SLC9C1: variants seen among roughly 807,000 people sequenced by gnomAD.
SLC9C1 encodes the protein solute carrier family 9 member C1, also known as sodium/hydrogen exchanger 10.
Under a neutral mutation model 140.9 loss-of-function variants are expected in SLC9C1, and 97 were observed. The observed-to-expected ratio is 0.69, with a 90% CI of 0.58 to 0.82. The LOEUF (loss-of-function observed/expected upper bound fraction) is 0.82. Among genes scored for constraint, SLC9C1 ranks in the 40% least tolerant of loss-of-function variants. The pLI is 0.00. For synonymous variants in SLC9C1, 440 were observed against 442.6 expected (o/e 0.99, Z 0.07); for missense variants, 1,340 against 1,389.3 (o/e 0.96, Z 0.56).
intron 23 of SLC9C1, among the ~76,000 whole-genome samples, chr3:112,177,053 C>T (rs1244621344): frequency 7.1e-6 from 1 of 141,840 alleles, no homozygotes; most frequent in Non-Finnish European, 1.5e-5. Context: ...GTCACCCAGG[C>T]TGGAGTGCAG....
At chr3:112,198,872 G>T (rs189058441) in intron 20 of SLC9C1, among the ~76,000 whole-genome samples, 1 of 151,856 alleles carries the variant, frequency 6.6e-6, no homozygotes, top group African/African-American at 2.4e-5. Context: ...CTTACAGAAT[G>T]AATTGGGATT....
At chr3:112,191,641 T>G (rs1188410076) in intron 20 of SLC9C1, among the ~76,000 whole-genome samples, 2 of 152,138 alleles carry the variant, frequency 1.3e-5, no homozygotes, top group East Asian at 3.8e-4. Flanking sequence ...ATCAGAAATA[T>G]TGGTCTATAA....
At position 112,264,275 on chromosome 3, in the gene SLC9C1, G is replaced by T; in HGVS notation, c.947C>A (p.Ala316Glu). Residue 316 changes from alanine to glutamate, a missense_variant, in exon 9 of 29, where the codon GCA (alanine) becomes GAA (glutamate). Transcript: ENST00000305815. ...VFTFFGLLIP[A>E]HTYLYIEFVD... ...AAATTCTATATACAAATATGTATGT[G>T]CAGGAATTAGAAGTCCAAAGAAAGT... is the stretch of plus-strand genomic sequence containing the variant. 6.9e-7 allele frequency: 1 copy of T among 1,458,008 alleles called. No individual in the cohort carries two copies. The highest frequency in any genetic ancestry group is 9.1e-7 in the Non-Finnish European group (1 of 1,096,114). 90.3% of individuals were successfully genotyped at this position (1,458,008 alleles called of 1,614,324 possible).
chr3:112,274,899 A>G lies in SLC9C1; in HGVS notation c.611T>C (p.Leu204Ser), dbSNP rs1283107986. 1.8e-5 allele frequency: 28 copies of G among 1,545,470 alleles called. No individual in the cohort carries two copies. Among genetic ancestry groups the G allele is most frequent in the Non-Finnish European group, 2.3e-5 (27 of 1,155,424 alleles). ...QRLQSKRNHT[L>S]AEEIVGGICS... ...AAATTTTTTAAAAATATACTTACCT[A>G]AGGTATGGTTTCTTTTACTTTGTAG... Residue 204 changes from leucine to serine, a missense_variant and splice_region_variant, in exon 6 of 29, where the codon TTA becomes TCA. Leu to Ser is a moderately radical substitution (Grantham distance 145). Transcript: ENST00000305815.
chr3:112,255,683 A>G (rs2079584993), intron 10 of SLC9C1, among the ~76,000 whole-genome samples: 1 of 152,202 alleles, frequency 6.6e-6, no homozygotes. Context: ...GAGAAGCAAG[A>G]GCAAACCAGT....
chr3:112,194,829 C>G (rs944242564), intron 20 of SLC9C1, among the ~76,000 whole-genome samples: 5 of 151,604 alleles, frequency 3.3e-5, no homozygotes, highest in African/African-American at 1.2e-4. Flanking sequence ...GGTAGCTATC[C>G]TAATGGATGT....
rs1433047320 is a variant in SLC9C1, at chr3:112,269,909, C to A, written c.775+7G>T. ...GATTTTATTTTAGGCATAGGCCCCT[C>A]ACTTACAAATATAAAAGATGAGATA... is the stretch of plus-strand genomic sequence containing the variant. On this transcript the variant is annotated splice_region_variant and intron_variant, in intron 7 of 28. Transcript: ENST00000305815. 6.7e-7 allele frequency: 1 copy of A among 1,498,882 alleles called. No homozygotes were observed. The highest frequency in any genetic ancestry group is 2.5e-5 in the East Asian group (1 of 40,456). The allele number at this position is 1,498,882 out of a possible 1,614,324, so 92.8% of individuals were successfully genotyped here.
chr3:112,148,104 C>T (rs188733593), intron 28 of SLC9C1, among the ~76,000 whole-genome samples: 159 of 152,232 alleles, frequency 1.0e-3, no homozygotes, highest in Admixed American at 1.7e-3. Context: ...GTGAGTTTTC[C>T]AATTCCAGAA....
chr3:112,236,749 G>A (rs981074867), intron 12 of SLC9C1, among the ~76,000 whole-genome samples: 3 of 152,172 alleles, frequency 2.0e-5, no homozygotes, highest in Non-Finnish European at 4.4e-5. Flanking sequence ...TCAGGAGCAG[G>A]TTGTTTAGTT....
At chr3:112,260,982 G>A (rs73853377) in intron 10 of SLC9C1, among the ~76,000 whole-genome samples, 3 of 151,960 alleles carry the variant, frequency 2.0e-5, no homozygotes, top group Non-Finnish European at 4.4e-5. Context: ...AGCTACTTAA[G>A]TAGCCCTAAA....
At chr3:112,185,297 CAT>C (rs2077511807) in intron 20 of SLC9C1, among the ~76,000 whole-genome samples, 1 of 148,162 alleles carries the variant, frequency 6.7e-6, no homozygotes, top group Non-Finnish European at 1.5e-5. Context: ...GGACAATCCA[CAT>C]ATATAAATCC....
At chr3:112,255,791 G>A (rs371035905) in intron 10 of SLC9C1, among the ~76,000 whole-genome samples, 2 of 152,068 alleles carry the variant, frequency 1.3e-5, no homozygotes, top group East Asian at 1.9e-4. Flanking sequence ...AATGGATGCG[G>A]TGGTTCTTTT....
chr3:112,239,139 C>G (rs2079071952), intron 12 of SLC9C1, among the ~76,000 whole-genome samples: 1 of 152,224 alleles, frequency 6.6e-6, no homozygotes, highest in Admixed American at 6.5e-5. Context: ...TGTTTACTTA[C>G]TCAAGCCTCA....
intron 27 of SLC9C1, among the ~76,000 whole-genome samples, chr3:112,153,140 A>G (rs1453832149): frequency 2.6e-5 from 4 of 152,288 alleles, no homozygotes; most frequent in African/African-American, 9.6e-5. Context: ...AGCATCTACT[A>G]AACAACACAA....
intron 17 of SLC9C1, 59 bp downstream of exon 17, chr3:112,204,159 C>A (rs1370721209): frequency 7.3e-7 from 1 of 1,363,992 alleles, no homozygotes; most frequent in East Asian, 2.9e-5. Context: ...TAATTTTACT[C>A]TATGTTTTAT....
intron 1 of SLC9C1, among the ~76,000 whole-genome samples, chr3:112,292,375 A>C (rs977686558): frequency 6.6e-6 from 1 of 152,238 alleles, no homozygotes; most frequent in Non-Finnish European, 1.5e-5. Context: ...CTGGCTATGC[A>C]TATGTGATAA....
At chr3:112,234,559 A>G (rs2078929974) in intron 12 of SLC9C1, among the ~76,000 whole-genome samples, 1 of 152,240 alleles carries the variant, frequency 6.6e-6, no homozygotes, top group African/African-American at 2.4e-5. Flanking sequence ...GCCCATGCCT[A>G]TGTCCTGAAT....
chr3:112,227,601 T>C (rs1490968056), intron 13 of SLC9C1, among the ~76,000 whole-genome samples: 1 of 152,046 alleles, frequency 6.6e-6, no homozygotes, highest in Non-Finnish European at 1.5e-5. Flanking sequence ...AATAAAACCA[T>C]ATATGACAAA....
At chr3:112,247,423 G>A (rs892934750) in intron 10 of SLC9C1, among the ~76,000 whole-genome samples, 40 of 152,092 alleles carry the variant, frequency 2.6e-4, no homozygotes, top group Admixed American at 1.6e-3. Flanking sequence ...AGTTAATAAC[G>A]TGCTCCAAAT....
Sources: allele counts gnomAD v4.1 joint callset (sites outside exome capture counted in the v4.1 genomes callset), GRCh38; gene constraint gnomAD v4.1.1; transcripts MANE v1.5; gene names NCBI Gene and HGNC (gene_info 2026-07-23, HGNC 2026-07-21).